SLC35D4: variants seen among roughly 807,000 people sequenced by gnomAD.
SLC35D4 encodes solute carrier family 35 member D4.
At chr18:23,345,246 G>A in the SLC35D4 span, among the ~76,000 whole-genome samples, 1 of 151,974 alleles carries the variant, frequency 6.6e-6, no homozygotes, top group Non-Finnish European at 1.5e-5. Context: ...CACTTTGGGA[G>A]GCCGAGGTGG....
chr18:23,281,590 A>G, the SLC35D4 span, among the ~76,000 whole-genome samples: 7 of 152,082 alleles, frequency 4.6e-5, no homozygotes, highest in African/African-American at 1.7e-4. Context: ...GCCTCCCCAA[A>G]TGCTGAGATT....
At chr18:23,382,442 T>C in the SLC35D4 span, among the ~76,000 whole-genome samples, 3 of 151,826 alleles carry the variant, frequency 2.0e-5, no homozygotes, top group Admixed American at 2.0e-4. Flanking sequence ...CACCACGTGG[T>C]TCCTGCCATT....
At chr18:23,343,678 T>C in the SLC35D4 span, among the ~76,000 whole-genome samples, 1 of 152,208 alleles carries the variant, frequency 6.6e-6, no homozygotes, top group Admixed American at 6.5e-5. Context: ...ATAAGAATAG[T>C]ACCCAACGAG....
At chr18:23,365,193 G>T in the SLC35D4 span, among the ~76,000 whole-genome samples, 2 of 152,166 alleles carry the variant, frequency 1.3e-5, no homozygotes, top group Admixed American at 1.3e-4. Context: ...ATGGCAAGAG[G>T]CCCCTCATAT....
At chr18:23,238,884 G>A in the SLC35D4 span, among the ~76,000 whole-genome samples, 1 of 152,168 alleles carries the variant, frequency 6.6e-6, no homozygotes, top group Non-Finnish European at 1.5e-5. Flanking sequence ...CACAACTGCC[G>A]ACCTCGGGGT....
the SLC35D4 span, among the ~76,000 whole-genome samples, chr18:23,339,535 C>T: frequency 6.6e-6 from 1 of 152,228 alleles, no homozygotes; most frequent in African/African-American, 2.4e-5. Context: ...AACGTTTGTG[C>T]ACTATCTTTG....
the SLC35D4 span, among the ~76,000 whole-genome samples, chr18:23,382,939 C>T: frequency 6.6e-6 from 1 of 152,214 alleles, no homozygotes; most frequent in African/African-American, 2.4e-5. Context: ...AGGGCGGCAG[C>T]AGCTGTGAGG....
chr18:23,247,546 A>G, the SLC35D4 span, among the ~76,000 whole-genome samples: 18,827 of 152,244 alleles, frequency 0.12, 1,293 homozygotes, highest in Middle Eastern at 0.23. Flanking sequence ...AGGACACGGA[A>G]CAGCCCCACA....
chr18:23,432,411 G>A, the SLC35D4 span, among the ~76,000 whole-genome samples: 4 of 152,268 alleles, frequency 2.6e-5, no homozygotes, highest in Admixed American at 6.5e-5. Context: ...CCCCATGCGC[G>A]GTGGCTCACG....
At chr18:23,397,342 T>C in the SLC35D4 span, among the ~76,000 whole-genome samples, 4 of 152,234 alleles carry the variant, frequency 2.6e-5, no homozygotes, top group African/African-American at 4.8e-5. Context: ...CTGGGACTCA[T>C]GCAGGAACTA....
At chr18:23,327,512 T>C in the SLC35D4 span, among the ~76,000 whole-genome samples, 3 of 152,114 alleles carry the variant, frequency 2.0e-5, no homozygotes, top group South Asian at 2.1e-4. Flanking sequence ...AGAAGTTGAA[T>C]CTCTGAATAG....
the SLC35D4 span, among the ~76,000 whole-genome samples, chr18:23,240,759 C>T: frequency 6.6e-6 from 1 of 152,230 alleles, no homozygotes; most frequent in African/African-American, 2.4e-5. Context: ...CCAGCAGAGG[C>T]GCCCACCTGA....
At chr18:23,336,139 T>C in the SLC35D4 span, among the ~76,000 whole-genome samples, 1 of 152,168 alleles carries the variant, frequency 6.6e-6, no homozygotes, top group African/African-American at 2.4e-5. Flanking sequence ...TCTCTATGAA[T>C]TATTTTGACA....
the SLC35D4 span, among the ~76,000 whole-genome samples, chr18:23,428,017 C>A: frequency 6.6e-6 from 1 of 151,866 alleles, no homozygotes; most frequent in Non-Finnish European, 1.5e-5. Flanking sequence ...AGGGGCCTGC[C>A]ATGGGTTGGG....
the SLC35D4 span, among the ~76,000 whole-genome samples, chr18:23,268,420 G>A: frequency 6.6e-6 from 1 of 152,164 alleles, no homozygotes; most frequent in African/African-American, 2.4e-5. Flanking sequence ...GCTAGCTGAA[G>A]CAGAATCACC....
chr18:23,416,803 C>T, the SLC35D4 span, among the ~76,000 whole-genome samples: 102 of 152,350 alleles, frequency 6.7e-4, no homozygotes, highest in Non-Finnish European at 1.1e-3. Context: ...TTCCGAGATA[C>T]GTAGAACCTA....
chr18:23,269,184 A>G, the SLC35D4 span, among the ~76,000 whole-genome samples: 2 of 152,194 alleles, frequency 1.3e-5, no homozygotes, highest in Admixed American at 1.3e-4. Context: ...CTTGAATTGT[A>G]GCTCCCATAA....
At chr18:23,416,454 TG>T in the SLC35D4 span, among the ~76,000 whole-genome samples, 1 of 152,218 alleles carries the variant, frequency 6.6e-6, no homozygotes, top group Non-Finnish European at 1.5e-5. Context: ...TCAGTAAAGC[TG>T]GGCTTCACTT....
the SLC35D4 span, among the ~76,000 whole-genome samples, chr18:23,418,614 C>G: frequency 6.6e-6 from 1 of 150,684 alleles, no homozygotes; most frequent in African/African-American, 2.4e-5. Flanking sequence ...GCTGGGATTA[C>G]AGGCATGAGC....
Sources: allele counts gnomAD v4.1 joint callset (sites outside exome capture counted in the v4.1 genomes callset), GRCh38; gene constraint gnomAD v4.1.1; transcripts MANE v1.5; gene names NCBI Gene and HGNC (gene_info 2026-07-23, HGNC 2026-07-21).